Variants in SHROOM4 observed in about 807,000 individuals in gnomAD.
SHROOM4 encodes the protein shroom family member 4, also known as protein Shroom4.
SHROOM4 carries 17 observed loss-of-function variants against 80.3 expected under a neutral mutation model. The observed-to-expected ratio is 0.21, with a 90% CI of 0.14 to 0.32. The LOEUF (loss-of-function observed/expected upper bound fraction) is 0.32, where lower values mean the gene tolerates loss of function less well. SHROOM4 is among the 10% of genes least tolerant of loss of function. The pLI is 1.00. For missense variants in SHROOM4, 993 were observed against 1,140.3 expected (o/e 0.87, Z 1.86); for synonymous variants, 400 against 437.5 (o/e 0.91, Z 1.07).
Position 50,607,407 on chromosome X carries a change from C to A in SHROOM4, c.3735G>T (p.Ser1245=), listed in dbSNP as rs889716909. 1 of 1,211,332 alleles carries A rather than the reference C, an allele frequency of 8.3e-7. No individual in the cohort carries two copies. Residue 1245 remains serine (S), a synonymous_variant, in exon 6 of 9, where the codon TCG becomes TCT. Coordinates refer to ENST00000376020, the MANE Select transcript of SHROOM4 (RefSeq NM_020717.5). ...YYGIGGLWRT[S]GQEATESAKQ... ...TGGCGGATTCAGTGGCTTCCTGTCC[C>A]GATGTCCTCCAAAGCCCACCAATGC... is the stretch of plus-strand genomic sequence containing the variant.
At chrX:50,617,767 A>G (rs1557251018) in intron 5 of SHROOM4, among the ~76,000 whole-genome samples, 1 of 110,117 alleles carries the variant, frequency 9.1e-6, no homozygotes, top group East Asian at 2.9e-4. Flanking sequence ...GGGAATTGCT[A>G]TTCTCTGCAT....
At chrX:50,577,489 A>G in the SHROOM4 span, among the ~76,000 whole-genome samples, 18 of 112,390 alleles carry the variant, frequency 1.6e-4, no homozygotes, top group Admixed American at 4.7e-4. Context: ...GACAAGTAAA[A>G]TGATGGCTGA....
intron 1 of SHROOM4, among the ~76,000 whole-genome samples, chrX:50,743,748 C>T (rs1220392440): frequency 1.8e-5 from 2 of 111,998 alleles, no homozygotes; most frequent in Admixed American, 1.9e-4. Context: ...CGAGTTACTG[C>T]CCCCAGACTG....
In SHROOM4 at chrX:50,588,412, G is replaced by C. The variant is rs2067525922; in HGVS notation, c.*8283C>G. Among the ~76,000 whole-genome samples the C allele has an allele frequency of 8.9e-6, 1 of 111,795 alleles. No homozygotes were observed. On this transcript the variant is annotated 3_prime_UTR_variant, in exon 9 of 9. Transcript: ENST00000376020. ...CTTATTGTCCTAAGTACTTTGCATG[G>C]ATTAACTCAATAATTCCTCACAACA...
chrX:50,781,407 G>T (rs1344286494), intron 1 of SHROOM4, among the ~76,000 whole-genome samples: 2 of 110,863 alleles, frequency 1.8e-5, no homozygotes, highest in African/African-American at 6.6e-5. Context: ...GGCTGAAAGG[G>T]TCCACAGGAC....
At chrX:50,585,177 G>C (rs1928734470), downstream of SHROOM4, among the ~76,000 whole-genome samples, 1 of 111,754 alleles carries the variant, frequency 8.9e-6, no homozygotes, top group Non-Finnish European at 1.9e-5. Context: ...TGTGCTAAGT[G>C]TTAGTGGTAT....
At position 50,643,855 on chromosome X, in the gene SHROOM4, A is replaced by T. The variant is rs140722292; in HGVS notation, c.270-5547T>A. On this transcript the variant is annotated intron_variant, in intron 2 of 8. Transcript: ENST00000376020. ...TTTGGGAAAGATAAAGCGGGTGTCT[A>T]AAAAGAATTTTTAAAAATACACGTA... 1.1e-4 allele frequency among the ~76,000 whole-genome samples: 12 copies of T among 112,846 alleles called. No homozygotes were observed. In the East Asian group the frequency reaches 3.4e-3, roughly 32 times the overall value.
chrX:50,691,637 G>A (rs187721817), intron 2 of SHROOM4, among the ~76,000 whole-genome samples: 295 of 111,823 alleles, frequency 2.6e-3, no homozygotes, highest in Non-Finnish European at 4.4e-3. Context: ...TGGCTTTTCA[G>A]AATTGGCCAT....
At chrX:50,661,184 T>C (rs1311410794) in intron 2 of SHROOM4, among the ~76,000 whole-genome samples, 15 of 111,525 alleles carry the variant, frequency 1.3e-4, no homozygotes, top group African/African-American at 4.6e-4. Context: ...TTCTCTTTTA[T>C]GGCTTCCAGG....
At chrX:50,620,518 C>T (rs1260037569) in intron 5 of SHROOM4, among the ~76,000 whole-genome samples, 6 of 111,569 alleles carry the variant, frequency 5.4e-5, no homozygotes, top group Non-Finnish European at 1.1e-4. Context: ...AATATGAACA[C>T]ATATTTCTAG....
At chrX:50,768,459 C>T (rs1935325692) in intron 1 of SHROOM4, among the ~76,000 whole-genome samples, 1 of 111,762 alleles carries the variant, frequency 8.9e-6, no homozygotes. Flanking sequence ...TGAAGAATTT[C>T]CCACCTTAGG....
chrX:50,645,422 CA>C (rs782244391), intron 2 of SHROOM4, among the ~76,000 whole-genome samples: 2 of 112,194 alleles, frequency 1.8e-5, no homozygotes, highest in Non-Finnish European at 3.8e-5. Context: ...CACTTCCTAA[CA>C]AAATAAAGAG....
At chrX:50,735,103 G>A (rs781813818) in intron 1 of SHROOM4, among the ~76,000 whole-genome samples, 2 of 111,879 alleles carry the variant, frequency 1.8e-5, no homozygotes, top group African/African-American at 3.2e-5. Context: ...CAGAAAGCAA[G>A]ACAGTCTTGT....
rs145593188 is a variant in SHROOM4 at position 50,616,184 on chromosome X, C to T, written c.2958-8000G>A. On this transcript the variant is annotated intron_variant, in intron 5 of 8. Coordinates refer to ENST00000376020, the MANE Select transcript of SHROOM4 (RefSeq NM_020717.5). ...TCAGTTTTTGGTATCCAAAGATTAA[C>T]GATTAATGGGTTACTGATATTTACC... Among the ~76,000 whole-genome samples, 530 of 112,326 alleles carry T rather than the reference C, an allele frequency of 4.7e-3. 1 individual carries two copies. Among genetic ancestry groups the T allele is most frequent in the African/African-American group, 0.017 (515 of 30,961 alleles).
downstream of SHROOM4, among the ~76,000 whole-genome samples, chrX:50,582,544 A>G (rs1557244356): frequency 8.9e-6 from 1 of 111,754 alleles, no homozygotes; most frequent in East Asian, 2.8e-4. Context: ...GTTTTAACTG[A>G]ATTGTTACTT....
rs782510894 is a variant in SHROOM4, at chrX:50,628,540, CTT to C, written c.2896-867_2896-866del. Reference sequence around the variant, plus strand: ...ACAGTTTTTCCTAAATTTCACTGATCTTCCAAACTCCCTCTTTCTCCAATGCT... The same window carrying C: ...ACAGTTTTTCCTAAATTTCACTGATCCCAAACTCCCTCTTTCTCCAATGCT... On this transcript the variant is annotated intron_variant, in intron 4 of 8. Coordinates refer to ENST00000376020, the MANE Select transcript of SHROOM4 (RefSeq NM_020717.5). Among the ~76,000 whole-genome samples the C allele has an allele frequency of 3.6e-5, 4 of 111,617 alleles. No homozygotes were observed. The East Asian group carries it at 1.1e-3, about 32-fold the overall frequency.
chrX:50,586,717 C>T (rs1557244882), downstream of SHROOM4, among the ~76,000 whole-genome samples: 2 of 111,686 alleles, frequency 1.8e-5, no homozygotes, highest in Admixed American at 9.5e-5. Flanking sequence ...TCAAATCCTA[C>T]CTCTTCAGTG....
rs1228213207 is a variant in SHROOM4 at position 50,590,704 on chromosome X, A to G, written c.*5991T>C. On this transcript the variant is annotated 3_prime_UTR_variant, in exon 9 of 9. Transcript: ENST00000376020. ...CTGTGAGAAATAAATGTTATTTAAGACAATCAGTCTATGGTAGTATGTTAT... is the reference window on the plus strand; with the variant it reads ...CTGTGAGAAATAAATGTTATTTAAGGCAATCAGTCTATGGTAGTATGTTAT... Among the ~76,000 whole-genome samples the G allele has an allele frequency of 8.9e-6, 1 of 112,263 alleles. No individual in the cohort carries two copies. Among genetic ancestry groups the G allele is most frequent in the Non-Finnish European group, 1.9e-5 (1 of 53,261 alleles).
At chrX:50,639,986 T>C (rs782005151) in intron 2 of SHROOM4, among the ~76,000 whole-genome samples, 58 of 111,481 alleles carry the variant, frequency 5.2e-4, no homozygotes, top group Non-Finnish European at 9.2e-4. Context: ...CATTGTTCTA[T>C]TATTGATTTC....
Sources: allele counts gnomAD v4.1 joint callset (sites outside exome capture counted in the v4.1 genomes callset), GRCh38; gene constraint gnomAD v4.1.1; transcripts MANE v1.5; gene names NCBI Gene and HGNC (gene_info 2026-07-23, HGNC 2026-07-21).